SHPRH: variants seen among roughly 807,000 people sequenced by gnomAD.
SHPRH encodes SNF2 histone linker PHD RING helicase.
A neutral mutation model predicts 202.5 loss-of-function variants in SHPRH; 106 were observed. That is an observed-to-expected ratio of 0.52 (90% confidence interval 0.45 to 0.62). The LOEUF (loss-of-function observed/expected upper bound fraction) is 0.62, where lower values mean the gene tolerates loss of function less well. Ranked by LOEUF, SHPRH falls within the 20% of genes least tolerant of loss-of-function variation. The pLI is 0.00. For missense variants in SHPRH, 1,710 were observed against 2,020.0 expected (o/e 0.85, Z 2.94); for synonymous variants, 729 against 686.0 (o/e 1.06, Z -0.98).
At position 145,950,149 on chromosome 6, in the gene SHPRH, A is replaced by G. The variant is rs898687763; in HGVS notation, c.982+115T>C. 8 of 770,528 alleles carry G rather than the reference A, an allele frequency of 1.0e-5. No homozygotes were observed. In the East Asian group the frequency reaches 2.1e-4, roughly 21 times the overall value. 47.7% of individuals were successfully genotyped at this position (770,528 alleles called of 1,614,324 possible). On this transcript the variant is annotated intron_variant, in intron 4 of 29. Coordinates refer to ENST00000275233, the MANE Select transcript of SHPRH (RefSeq NM_001042683.3). ...CTTAGAAAATAATTTTATGGCACCC[A>G]TTCTATCTTATATTTTCAGGATGTT...
At chr6:145,868,992 GGCTGTACCATTTT>G (rs1779930163) in intron 2 of SHPRH, among the ~76,000 whole-genome samples, 1 of 152,148 alleles carries the variant, frequency 6.6e-6, no homozygotes, top group Non-Finnish European at 1.5e-5. Context: ...CTTCCAAAGT[GGCTGTACCATTTT>G]GCATTCCCAC....
At chr6:145,956,186 G>A (rs1034720112) in intron 1 of SHPRH, among the ~76,000 whole-genome samples, 7 of 152,082 alleles carry the variant, frequency 4.6e-5, no homozygotes, top group Non-Finnish European at 7.4e-5. Context: ...ACAATGTTAA[G>A]GAGTCAAACA....
chr6:145,893,315 T>G lies in SHPRH; in HGVS notation c.4774A>C (p.Thr1592Pro). Reference protein sequence around the residue: ...LPLHTGSNGLTIIEATHVLLV... With the variant: ...LPLHTGSNGLPIIEATHVLLV... ...AGAACATGAGTTGCTTCAATGATAG[T>G]TAATCCATTAGAACCTGTGTGCAGG... The change falls in exon 28 of 30, where the codon ACT (threonine) becomes CCT (proline). Residue 1592 changes from threonine (T) to proline (P), a missense_variant. Transcript: ENST00000275233. The G allele has an allele frequency of 6.2e-7, 1 of 1,605,208 alleles. No homozygotes were observed. The highest frequency in any genetic ancestry group is 8.5e-7 in the Non-Finnish European group (1 of 1,176,102).
At chr6:145,863,529 T>G (rs1180722488), downstream of SHPRH, among the ~76,000 whole-genome samples, 1 of 152,192 alleles carries the variant, frequency 6.6e-6, no homozygotes, top group Non-Finnish European at 1.5e-5. Context: ...GCCCATGTTA[T>G]TAAGACAAAG....
intron 1 of SHPRH, among the ~76,000 whole-genome samples, chr6:145,957,858 C>G (rs549229860): frequency 6.6e-6 from 1 of 152,166 alleles, no homozygotes; most frequent in Admixed American, 6.5e-5. Flanking sequence ...AACATAAATC[C>G]ACAAAAATTT....
intron 1 of SHPRH, among the ~76,000 whole-genome samples, chr6:145,962,235 A>G (rs371041826): frequency 7.2e-5 from 11 of 152,338 alleles, no homozygotes; most frequent in South Asian, 2.1e-4. Context: ...CCCAACTGCT[A>G]GAGTGTTCAC....
At position 145,943,746 on chromosome 6, in the gene SHPRH, G is replaced by A. The variant is rs1160065234; in HGVS notation, c.1635C>T (p.Asp545=). The change falls in exon 9 of 30, where the codon GAC becomes GAT. Residue 545 remains aspartate, a synonymous_variant. Coordinates refer to ENST00000275233, the MANE Select transcript of SHPRH (RefSeq NM_001042683.3). ...CTGATGGCAAGTATTCAGAATCTGT[G>A]TCCTTGTTCCCTGATTTTCTAGTTT... ...QKETRKSGNK[D]TDSEYLPSDT... 6.2e-7 allele frequency: 1 copy of A among 1,604,292 alleles called. No homozygotes were observed. Among genetic ancestry groups the A allele is most frequent in the African/African-American group, 1.3e-5 (1 of 74,174 alleles).
Position 145,886,677 on chromosome 6 carries a change from G to A in SHPRH, c.*14C>T. The A allele has an allele frequency of 6.2e-7, 1 of 1,609,464 alleles. No individual in the cohort carries two copies. Among genetic ancestry groups the A allele is most frequent in the Non-Finnish European group, 8.5e-7 (1 of 1,178,680 alleles). On this transcript the variant is annotated 3_prime_UTR_variant, in exon 30 of 30. Coordinates refer to ENST00000275233, the MANE Select transcript of SHPRH (RefSeq NM_001042683.3). Reference sequence around the variant, plus strand: ...ATTAATACACTAAAGTCCATGGAATGAATCAAGTGTAGTTCATTCAAGCTC... The same window carrying A: ...ATTAATACACTAAAGTCCATGGAATAAATCAAGTGTAGTTCATTCAAGCTC...
intron 1 of SHPRH, among the ~76,000 whole-genome samples, chr6:145,959,036 T>C (rs1023738428): frequency 3.3e-5 from 5 of 152,012 alleles, no homozygotes; most frequent in South Asian, 2.1e-4. Flanking sequence ...CGGGGTTTCA[T>C]GTGTTAGCCA....
intron 25 of SHPRH, 57 bp downstream of exon 25, chr6:145,910,391 T>A: frequency 6.4e-7 from 1 of 1,565,180 alleles, no homozygotes; most frequent in African/African-American, 1.4e-5. Flanking sequence ...AATCAGATAC[T>A]GCTTCCTATA....
chr6:145,879,242 G>A (rs1780440654), intron 2 of SHPRH, among the ~76,000 whole-genome samples: 1 of 151,974 alleles, frequency 6.6e-6, no homozygotes, highest in Non-Finnish European at 1.5e-5. Context: ...TTGTACTGAA[G>A]TCATTAAATT....
At chr6:145,937,857 T>C (rs1786285279) in intron 11 of SHPRH, among the ~76,000 whole-genome samples, 1 of 152,206 alleles carries the variant, frequency 6.6e-6, no homozygotes, top group Non-Finnish European at 1.5e-5. Flanking sequence ...AGCTCAGTTG[T>C]CAGCATCCCA....
intron 10 of SHPRH, 112 bp downstream of exon 10, chr6:145,941,511 C>T: frequency 6.8e-7 from 1 of 1,480,364 alleles, no homozygotes; most frequent in Non-Finnish European, 9.0e-7. Flanking sequence ...AACTTTTGAC[C>T]AATATCAGTA....
Position 145,943,319 on chromosome 6 carries a change from ACTTTG to A in SHPRH, c.2057_2061del (p.Ala686ValfsTer5). On this transcript the variant is annotated frameshift_variant, in exon 9 of 30. Transcript: ENST00000275233. LOFTEE classifies it high-confidence loss of function. Reference sequence around the variant, plus strand: ...AGATTTTTCTCATCATAATTCACACACTTTGCATGTTGCCACAGGTGACACTTCAG... The same window carrying A: ...AGATTTTTCTCATCATAATTCACACACATGTTGCCACAGGTGACACTTCAG... 6.2e-7 allele frequency: 1 copy of A among 1,613,750 alleles called. No homozygotes were observed. The highest frequency in any genetic ancestry group is 8.5e-7 in the Non-Finnish European group (1 of 1,179,922).
chr6:145,947,399 A>G, intron 6 of SHPRH, 94 bp downstream of exon 6: 2 of 1,354,560 alleles, frequency 1.5e-6, no homozygotes, highest in South Asian at 1.5e-5. Context: ...GTGAACAGAA[A>G]GTGTTGACTT....
chr6:145,870,096 T>G lies in SHPRH; in HGVS notation c.222-5605A>C, dbSNP rs575782515. On this transcript the variant is annotated intron_variant, in intron 2 of 2. Coordinates refer to the SHPRH transcript ENST00000417762. ...GATTTATACCTAAGTATTTCATTTT[T>G]GGGGGGTGCTAAAGTAAATGGTATT... Among the ~76,000 whole-genome samples the G allele has an allele frequency of 2.0e-5, 3 of 152,076 alleles. No homozygotes were observed. In the South Asian group the frequency reaches 6.2e-4, roughly 32 times the overall value.
chr6:145,908,376 T>C (rs1305852607), intron 25 of SHPRH: 1 of 152,148 alleles, frequency 6.6e-6, no homozygotes, highest in Non-Finnish European at 1.5e-5. Context: ...TTTATATTCC[T>C]ACCAACAGTG....
intron 1 of SHPRH, among the ~76,000 whole-genome samples, chr6:145,962,095 T>C (rs1789144875): frequency 6.6e-6 from 1 of 152,130 alleles, no homozygotes; most frequent in Non-Finnish European, 1.5e-5. Context: ...TGGACCGCAC[T>C]TTTACTGTCT....
chr6:145,952,718 G>A (rs991091647), intron 2 of SHPRH, among the ~76,000 whole-genome samples: 9 of 151,962 alleles, frequency 5.9e-5, no homozygotes, highest in Non-Finnish European at 1.3e-4. Flanking sequence ...TCCCCTAACT[G>A]AAATCGAACC....
Sources: allele counts gnomAD v4.1 joint callset (sites outside exome capture counted in the v4.1 genomes callset), GRCh38; gene constraint gnomAD v4.1.1; transcripts MANE v1.5; gene names NCBI Gene and HGNC (gene_info 2026-07-23, HGNC 2026-07-21).